Variants in CNOT3 observed in about 807,000 individuals in gnomAD.
CNOT3 encodes the protein CCR4-NOT transcription complex subunit 3, also known as CCR4-associated factor 3.
In CNOT3, 2 loss-of-function variants were observed where a neutral mutation model predicts 89.4. The observed-to-expected ratio is 0.02, with a 90% CI of 0.01 to 0.07. CNOT3 has a LOEUF of 0.07. Ranked by LOEUF, CNOT3 falls within the 10% of genes least tolerant of loss-of-function variation. The pLI is 1.00. For synonymous variants in CNOT3, 486 were observed against 402.0 expected, an observed-to-expected ratio of 1.21 and a Z score of -2.50; for missense variants, 664 against 1,010.2, an observed-to-expected ratio of 0.66 and a Z score of 4.65.
At chr19:54,147,564 A>G (rs1215836113) in intron 10 of CNOT3, among the ~76,000 whole-genome samples, 2 of 152,168 alleles carry the variant, frequency 1.3e-5, no homozygotes, top group African/African-American at 4.8e-5. Flanking sequence ...GGGTGGCTGG[A>G]AAGAAGCCCA....
At chr19:54,155,198 C>G (rs1056851577) in intron 17 of CNOT3, 111 bp from the exon 18 acceptor site, 2 of 1,324,234 alleles carry the variant, frequency 1.5e-6, no homozygotes, top group African/African-American at 1.5e-5. Context: ...GCAGCTGGCC[C>G]GGTGCCTGAC....
At chr19:54,149,063 C>G (rs2074889414) in intron 12 of CNOT3, among the ~76,000 whole-genome samples, 1 of 152,256 alleles carries the variant, frequency 6.6e-6, no homozygotes. Flanking sequence ...CGGAGGGTCA[C>G]TGTTTCACTT....
chr19:54,144,375 T>A lies in CNOT3; in HGVS notation c.483+43T>A. 1 of 1,472,932 alleles carries A rather than the reference T, an allele frequency of 6.8e-7. No homozygotes were observed. Among genetic ancestry groups the A allele is most frequent in the Non-Finnish European group, 9.5e-7 (1 of 1,053,476 alleles). 91.2% of individuals were successfully genotyped at this position (1,472,932 alleles called of 1,614,324 possible). A position where few individuals can be genotyped will look rare whatever the true frequency, so the allele number is the denominator to read the frequency against. On this transcript the variant is annotated intron_variant, in intron 7 of 17. Transcript: ENST00000221232. This position sits in a 1 kb window ranked among gnomAD's most constrained non-coding sequence, Gnocchi z 4.8. ...GACACCTTTGGGATGGGGATGGGCA[T>A]GGGAATGGGCTGGCCAGCAGGAGGC...
Position 54,144,873 on chromosome 19 carries a change from A to G in CNOT3, c.483+541A>G, listed in dbSNP as rs2074595774. Among the ~76,000 whole-genome samples the G allele has an allele frequency of 6.6e-6, 1 of 152,172 alleles. No homozygotes were observed. ...CAAACTGTACAGACTTGCTGAAACC[A>G]GAAAGACAGGGAGGGGAGAGCCGGG... On this transcript the variant is annotated intron_variant, in intron 7 of 17. Coordinates refer to ENST00000221232, the MANE Select transcript of CNOT3 (RefSeq NM_014516.4). The surrounding 1 kb of genome is among the most constrained non-coding windows in gnomAD (Gnocchi z 4.8).
At chr19:54,138,902 C>A (rs753655546) in intron 1 of CNOT3, among the ~76,000 whole-genome samples, 3 of 152,224 alleles carry the variant, frequency 2.0e-5, no homozygotes, top group Non-Finnish European at 2.9e-5. Flanking sequence ...CTTCTTTGAT[C>A]CTGGCGTCTG....
chr19:54,154,034 C>T (rs1224309931), intron 17 of CNOT3, 194 bp downstream of exon 17: 1 of 753,592 alleles, frequency 1.3e-6, no homozygotes, highest in African/African-American at 1.7e-5. Context: ...ACTTGGCCAG[C>T]TCCTAGGCCT....
rs1451816410 is a variant in CNOT3, at chr19:54,153,198, T to C, written c.2037+199T>C. ...CCTTCCAGCCCAGAGATGTTAGAAC[T>C]GCTTGGGTTGACAGCGAGGCTGGTC... On this transcript the variant is annotated intron_variant, in intron 16 of 17. Coordinates refer to ENST00000221232, the MANE Select transcript of CNOT3 (RefSeq NM_014516.4). The C allele has an allele frequency of 3.9e-6, 3 of 765,380 alleles. No homozygotes were observed. The Admixed American group carries it at 5.1e-5, about 13-fold the overall frequency. 47.4% of individuals were successfully genotyped at this position (765,380 alleles called of 1,614,324 possible). A position where few individuals can be genotyped will look rare whatever the true frequency, so the allele number is the denominator to read the frequency against.
chr19:54,141,215 C>T (rs1455880666), intron 1 of CNOT3, among the ~76,000 whole-genome samples: 2 of 152,176 alleles, frequency 1.3e-5, no homozygotes, highest in African/African-American at 2.4e-5. Context: ...CTCCTGGGTC[C>T]TTTTGTTGGT....
chr19:54,149,812 T>C, intron 13 of CNOT3, 54 bp downstream of exon 13: 5 of 1,509,020 alleles, frequency 3.3e-6, no homozygotes, highest in Non-Finnish European at 4.5e-6. Context: ...GTTGTTTCTT[T>C]CCTCCAGGTC....
Position 54,144,266 on chromosome 19 carries a change from G to A in CNOT3, c.417G>A (p.Val139=), listed in dbSNP as rs142741743. 63 of 1,613,982 alleles carry A rather than the reference G, an allele frequency of 3.9e-5. No homozygotes were observed. Among genetic ancestry groups the A allele is most frequent in the Non-Finnish European group, 4.8e-5 (57 of 1,180,000 alleles). ...CCATCGACACGCTCAACATGCAGGT[G>A]GACCAGTTTGAGAGTGAAGTGGAGT... ...TNTIDTLNMQ[V]DQFESEVESL... is the part of the protein sequence containing the mutation. The change falls in exon 7 of 18, where the codon GTG becomes GTA. Residue 139 remains valine (V), a synonymous_variant. Coordinates refer to ENST00000221232, the MANE Select transcript of CNOT3 (RefSeq NM_014516.4). The surrounding 1 kb of genome is among the most constrained non-coding windows in gnomAD (Gnocchi z 4.8).
At chr19:54,152,178 G>C (rs139001700) in intron 13 of CNOT3, 48 bp from the exon 14 acceptor site, 2 of 1,603,198 alleles carry the variant, frequency 1.2e-6, no homozygotes, top group Admixed American at 1.7e-5. Flanking sequence ...GGCTGCACTT[G>C]CTCCTGCAGC....
Position 54,152,435 on chromosome 19 carries a change from C to T in CNOT3, c.1713C>T (p.Ile571=). 2 of 1,614,212 alleles carry T rather than the reference C, an allele frequency of 1.2e-6. No individual in the cohort carries two copies. Among genetic ancestry groups the T allele is most frequent in the Non-Finnish European group, 1.7e-6 (2 of 1,180,020 alleles). ...CCCCCACCCTCCCCACAGACATCAT[C>T]CTGAGCAGTACATCAGCACCTCCGG... The part of the protein sequence containing the change: ...PTLHLTERDI[I]LSSTSAPPAS... The change falls in exon 15 of 18, where the codon ATC becomes ATT. Residue 571 remains isoleucine (I), a synonymous_variant. Transcript: ENST00000221232.
chr19:54,151,595 A>G (rs1330964127), intron 13 of CNOT3, among the ~76,000 whole-genome samples: 1 of 152,222 alleles, frequency 6.6e-6, no homozygotes, highest in African/African-American at 2.4e-5. Context: ...GGTTTGGGAC[A>G]GCTGCACGTG....
chr19:54,146,797 G>A (rs1349423198), intron 10 of CNOT3, 140 bp downstream of exon 10: 3 of 692,046 alleles, frequency 4.3e-6, no homozygotes, highest in Non-Finnish European at 8.0e-6. Context: ...CCTGAGGGCA[G>A]GTGGGCAGGG....
chr19:54,139,548 G>T (rs886981362), intron 1 of CNOT3, among the ~76,000 whole-genome samples: 41 of 152,112 alleles, frequency 2.7e-4, no homozygotes, highest in African/African-American at 9.9e-4. Context: ...CTCCCCCAGG[G>T]ATAAGGTTCT....
At chr19:54,152,761 G>A (rs1600502837) in intron 15 of CNOT3, 106 bp from the exon 16 acceptor site, 2 of 891,976 alleles carry the variant, frequency 2.2e-6, no homozygotes, top group East Asian at 2.4e-5. Context: ...CACCGCCCTG[G>A]GTCTTTCTGT....
chr19:54,155,233 C>A, intron 17 of CNOT3, 76 bp from the exon 18 acceptor site: 1 of 1,572,948 alleles, frequency 6.4e-7, no homozygotes, highest in Non-Finnish European at 8.6e-7. Flanking sequence ...AAGAATTGTC[C>A]CCTTTGTCTG....
At chr19:54,151,695 G>C (rs749044074) in intron 13 of CNOT3, among the ~76,000 whole-genome samples, 8 of 152,166 alleles carry the variant, frequency 5.3e-5, no homozygotes, top group Non-Finnish European at 8.8e-5. Flanking sequence ...GTGGCTGCGG[G>C]GCTGGAGACC....
chr19:54,153,300 G>A, intron 16 of CNOT3: 1 of 761,778 alleles, frequency 1.3e-6, no homozygotes, highest in African/African-American at 1.7e-5. Flanking sequence ...TGCTCCAGCA[G>A]CCCCAGTCTA....
Sources: gnomAD v4.1 joint callset for allele counts (sites outside exome capture counted in the v4.1 genomes callset) on GRCh38, gnomAD v4.1.1 for gene constraint, Gnocchi (gnomAD v3.1) non-coding constraint, MANE v1.5 for transcripts, NCBI Gene and HGNC (gene_info 2026-07-23, HGNC 2026-07-21) for gene names.